The following COL5A1 variants were observed in gnomAD, a reference collection of about 807,000 sequenced individuals.
The protein encoded by COL5A1 is collagen type V alpha 1 chain, also known as collagen alpha-1(V) chain.
COL5A1 carries 16 observed loss-of-function variants against 263.7 expected under a neutral mutation model. The observed-to-expected ratio is 0.06, with a 90% CI of 0.04 to 0.09. The LOEUF (loss-of-function observed/expected upper bound fraction) is 0.09, where lower values mean the gene tolerates loss of function less well. COL5A1 is among the 10% of genes least tolerant of loss of function. The pLI is 1.00. For synonymous variants in COL5A1, 1,012 were observed against 1,004.5 expected (o/e 1.01, Z -0.14); for missense variants, 2,036 against 2,540.5 (o/e 0.80, Z 4.27).
intron 31 of COL5A1, among the ~76,000 whole-genome samples, chr9:134,787,857 T>C (rs11998946): frequency 0.19 from 28,524 of 152,094 alleles, 3,892 homozygotes; most frequent in African/African-American, 0.39. Context: ...CTCCTATGGA[T>C]ATGGGCGCGT....
chr9:134,835,422 A>G (rs575487382), intron 65 of COL5A1, among the ~76,000 whole-genome samples: 12 of 152,340 alleles, frequency 7.9e-5, no homozygotes, highest in South Asian at 4.1e-4. Flanking sequence ...TCTGTGGGTT[A>G]GGATGGGAAA....
Position 134,814,051 on chromosome 9 carries a change from G to C in COL5A1, c.3906+15G>C, listed in dbSNP as rs370937109. 1,428 of 1,550,424 alleles carry C rather than the reference G, an allele frequency of 9.2e-4. 19 individuals are homozygous for C. Among genetic ancestry groups the C allele is most frequent in the Non-Finnish European group, 3.1e-5 (35 of 1,146,784 alleles). ...GCGGCCCCCCGGTGAGTGAGCGGGC[G>C]CTGCGGGAGGGGTGGGATATGGCCG... On this transcript the variant is annotated intron_variant, in intron 49 of 65. Transcript: ENST00000371817.
chr9:134,711,558 G>A lies in COL5A1; in HGVS notation c.654+10225G>A, dbSNP rs572021813. ...ACTGGGGGCTGGTGCAGTGGCCACC[G>A]CTTGTTCAGAAAACCCAAGGCTCCG... On this transcript the variant is annotated intron_variant, in intron 4 of 65. Transcript: ENST00000371817. Among the ~76,000 whole-genome samples, 15 of 152,202 alleles carry A rather than the reference G, an allele frequency of 9.9e-5. No homozygotes were observed. The East Asian group carries it at 2.7e-3, about 27-fold the overall frequency.
chr9:134,786,726 A>G (rs1429198695), intron 31 of COL5A1, among the ~76,000 whole-genome samples: 1 of 152,134 alleles, frequency 6.6e-6, no homozygotes, highest in Non-Finnish European at 1.5e-5. Context: ...CTCACATTTT[A>G]TTATTCATGG....
chr9:134,745,891 C>T (rs1005385114), intron 11 of COL5A1, among the ~76,000 whole-genome samples: 1 of 152,182 alleles, frequency 6.6e-6, no homozygotes, highest in South Asian at 2.1e-4. Context: ...GTCCTCTGCC[C>T]TTGTAGCTTG....
chr9:134,795,370 C>G, intron 34 of COL5A1, 55 bp downstream of exon 34: 1 of 1,518,542 alleles, frequency 6.6e-7, no homozygotes, highest in Non-Finnish European at 9.1e-7. Context: ...TGCAAGGCTA[C>G]AGAGACGTGG....
chr9:134,773,517 C>T (rs1453931092), intron 26 of COL5A1, among the ~76,000 whole-genome samples: 1 of 152,226 alleles, frequency 6.6e-6, no homozygotes, highest in Non-Finnish European at 1.5e-5. Flanking sequence ...ACACCGAGCT[C>T]ATGGTCGTCG....
At position 134,772,705 on chromosome 9, in the gene COL5A1, C is replaced by T. The variant is rs899285737; in HGVS notation, c.2287-85C>T. 2.2e-6 allele frequency: 3 copies of T among 1,370,596 alleles called. No homozygotes were observed. In the African/African-American group the frequency reaches 4.3e-5, roughly 20 times the overall value. 84.9% of individuals were successfully genotyped at this position (1,370,596 alleles called of 1,614,324 possible). On this transcript the variant is annotated intron_variant, in intron 25 of 65. Coordinates refer to ENST00000371817, the MANE Select transcript of COL5A1 (RefSeq NM_000093.5). ...GAGGAAGGGAAATGGGCTCCATGATCATGGATGCTACGCAGGGAGGGGAAG... is the reference window on the plus strand; with the variant it reads ...GAGGAAGGGAAATGGGCTCCATGATTATGGATGCTACGCAGGGAGGGGAAG...
In COL5A1 at chr9:134,816,727, G is replaced by A. The variant is rs528425239; in HGVS notation, c.4123-299G>A. Among the ~76,000 whole-genome samples, 8 of 152,348 alleles carry A rather than the reference G, an allele frequency of 5.3e-5. 1 individual carries two copies. The highest frequency in any genetic ancestry group is 1.2e-4 in the African/African-American group (5 of 41,584). On this transcript the variant is annotated intron_variant, in intron 52 of 65. Coordinates refer to ENST00000371817, the MANE Select transcript of COL5A1 (RefSeq NM_000093.5). ...CTGTGAAAGGGGATGCCAGTGCCTC[G>A]TCCCTGCCCAGGTTGTGGTGGGGAC...
intron 18 of COL5A1, among the ~76,000 whole-genome samples, chr9:134,761,109 A>G (rs111063912): frequency 0.082 from 8,670 of 105,976 alleles, 439 homozygotes; most frequent in African/African-American, 0.25. Context: ...CATGCACACA[A>G]CCCACACATG....
At chr9:134,769,688 G>A (rs921433908) in intron 25 of COL5A1, among the ~76,000 whole-genome samples, 5 of 152,184 alleles carry the variant, frequency 3.3e-5, no homozygotes, top group African/African-American at 1.2e-4. Flanking sequence ...AGAGCCCTGC[G>A]GGGAGGAAGG....
chr9:134,815,207 C>A (rs1838697445), intron 50 of COL5A1, among the ~76,000 whole-genome samples: 1 of 152,232 alleles, frequency 6.6e-6, no homozygotes, highest in African/African-American at 2.4e-5. Context: ...CCTTGGCCGG[C>A]CCTGATTTTG....
chr9:134,826,721 G>C (rs1283483453), intron 63 of COL5A1, among the ~76,000 whole-genome samples: 2 of 124,712 alleles, frequency 1.6e-5, no homozygotes, highest in South Asian at 5.6e-4. Flanking sequence ...GTGTGTGGGT[G>C]GTGTGTGGGT....
rs201606726 is a variant in COL5A1, at chr9:134,760,004, TCATACA to T, written c.1935+1711_1935+1716del. Reference sequence around the variant, plus strand: ...ACATGCACACCCACACACCCCACACTCATACACACATGCACACACACCCACGCACAC... The same window carrying T: ...ACATGCACACCCACACACCCCACACTCACATGCACACACACCCACGCACAC... On this transcript the variant is annotated intron_variant, in intron 18 of 65. Transcript: ENST00000371817. Among the ~76,000 whole-genome samples the T allele has an allele frequency of 1.3e-4, 6 of 45,502 alleles. No homozygotes were observed. The East Asian group carries it at 3.0e-3, about 23-fold the overall frequency. 29.9% of individuals were successfully genotyped at this position (45,502 alleles called of 152,430 possible).
At chr9:134,814,327 C>T (rs544156843) in intron 49 of COL5A1, among the ~76,000 whole-genome samples, 6 of 152,306 alleles carry the variant, frequency 3.9e-5, no homozygotes, top group African/African-American at 1.4e-4. Flanking sequence ...TCACCTCGTC[C>T]CCCCGGACCT....
intron 9 of COL5A1, among the ~76,000 whole-genome samples, chr9:134,736,846 T>C (rs1281221245): frequency 6.6e-6 from 1 of 152,102 alleles, no homozygotes; most frequent in East Asian, 1.9e-4. Context: ...AAGAGAAGCA[T>C]GAAGAAAGGG....
Position 134,821,511 on chromosome 9 carries a change from C to T in COL5A1, c.4555-586C>T, listed in dbSNP as rs1202649979. Among the ~76,000 whole-genome samples the T allele has an allele frequency of 6.6e-6, 1 of 152,144 alleles. No individual in the cohort carries two copies. Among genetic ancestry groups the T allele is most frequent in the Admixed American group, 6.5e-5 (1 of 15,278 alleles). On this transcript the variant is annotated intron_variant, in intron 58 of 65. Transcript: ENST00000371817. This position sits in a 1 kb window ranked among gnomAD's most constrained non-coding sequence, Gnocchi z 4.2. ...GTAGGGAGAGAGGCTGCAGGTGGCT[C>T]CAGCTGCCCGTGGCAAAGCTGGTCA... is the stretch of plus-strand genomic sequence containing the variant.
At chr9:134,796,789 C>A in intron 35 of COL5A1, 59 bp from the exon 36 acceptor site, 2 of 1,513,030 alleles carry the variant, frequency 1.3e-6, no homozygotes, top group Non-Finnish European at 1.8e-6. Context: ...GGCAGGTCAG[C>A]GGCAGGAGCT....
intron 1 of COL5A1, among the ~76,000 whole-genome samples, chr9:134,683,637 G>T (rs574036316): frequency 6.6e-6 from 1 of 152,302 alleles, no homozygotes; most frequent in South Asian, 2.1e-4. Flanking sequence ...CAGCAAACAC[G>T]GCTGAGTGCC....
Sources: gnomAD v4.1 joint callset for allele counts (sites outside exome capture counted in the v4.1 genomes callset) on GRCh38, gnomAD v4.1.1 for gene constraint, Gnocchi (gnomAD v3.1) non-coding constraint, MANE v1.5 for transcripts, NCBI Gene and HGNC (gene_info 2026-07-23, HGNC 2026-07-21) for gene names.